Variants in TMEM94 observed in about 807,000 individuals in gnomAD.
TMEM94 encodes transmembrane protein 94, also known as ER Mg2+ ATPase.
A neutral mutation model predicts 158.6 loss-of-function variants in TMEM94; 81 were observed. The observed-to-expected ratio is 0.51, with a 90% CI of 0.43 to 0.61. TMEM94 has a LOEUF of 0.61. TMEM94 is among the 20% of genes least tolerant of loss of function. TMEM94 has a pLI of 0.00. For missense variants in TMEM94, 1,435 were observed against 1,762.0 expected (o/e 0.81, Z 3.32); for synonymous variants, 751 against 730.7 (o/e 1.03, Z -0.45).
rs1317424872 is a variant in TMEM94, at chr17:75,490,366, G to A, written c.1071+16G>A. 3.7e-6 allele frequency: 6 copies of A among 1,609,142 alleles called. No individual in the cohort carries two copies. The highest frequency in any genetic ancestry group is 5.1e-6 in the Non-Finnish European group (6 of 1,178,274). On this transcript the variant is annotated intron_variant, in intron 10 of 31. Coordinates refer to ENST00000314256, the MANE Select transcript of TMEM94 (RefSeq NM_014738.6). Reference sequence around the variant, plus strand: ...CAGCTCCCTGGTAGGTTTTTCCAAGGTGTCTGGGGGAAGTCACAGGAACAA... The same window carrying A: ...CAGCTCCCTGGTAGGTTTTTCCAAGATGTCTGGGGGAAGTCACAGGAACAA...
chr17:75,497,127 G>T lies in TMEM94; in HGVS notation c.3336G>T (p.Leu1112=). The part of the protein sequence containing the change: ...TLVVIQFLSC[L]VQLPPLLSTT... ...TCCTGGTCTAGTTCCTTTCTTGCCT[G>T]GTCCAGCTGCCGCCACTCCTGAGTA... The change falls in exon 26 of 32, where the codon CTG becomes CTT. Residue 1112 remains leucine (L), a synonymous_variant. Coordinates refer to ENST00000314256, the MANE Select transcript of TMEM94 (RefSeq NM_014738.6). 1 of 1,613,986 alleles carries T rather than the reference G, an allele frequency of 6.2e-7. No individual in the cohort carries two copies. The highest frequency in any genetic ancestry group is 1.1e-5 in the South Asian group (1 of 91,076).
At chr17:75,474,135 A>C (rs1298591314) in intron 2 of TMEM94, among the ~76,000 whole-genome samples, 3 of 152,132 alleles carry the variant, frequency 2.0e-5, no homozygotes, top group Non-Finnish European at 4.4e-5. Context: ...CAAAATGGAT[A>C]GTACAAGCAG....
intron 1 of TMEM94, among the ~76,000 whole-genome samples, chr17:75,463,911 T>G (rs944176215): frequency 6.6e-6 from 1 of 152,216 alleles, no homozygotes; most frequent in Non-Finnish European, 1.5e-5. Context: ...CCCTCCAGCT[T>G]AACACAGATC....
Position 75,491,949 on chromosome 17 carries a change from G to A in TMEM94, c.1596+49G>A, listed in dbSNP as rs576828317. 9 of 1,549,058 alleles carry A rather than the reference G, an allele frequency of 5.8e-6. No individual in the cohort carries two copies. The highest frequency in any genetic ancestry group is 5.5e-5 in the African/African-American group (4 of 73,138). On this transcript the variant is annotated intron_variant, in intron 14 of 31. Transcript: ENST00000314256. This position sits in a 1 kb window ranked among gnomAD's most constrained non-coding sequence, Gnocchi z 5.1. ...GCAGCCACACCCTCGGCCACAGGCT[G>A]TCCTGGCCTCCCTGGCCAGCCTGGC...
chr17:75,475,515 T>C (rs960524381), intron 2 of TMEM94, among the ~76,000 whole-genome samples: 1 of 152,186 alleles, frequency 6.6e-6, no homozygotes, highest in Admixed American at 6.5e-5. Flanking sequence ...CAGAGAAGTG[T>C]CCCATCCACT....
Position 75,485,435 on chromosome 17 carries a change from C to T in TMEM94, c.32C>T (p.Pro11Leu), listed in dbSNP as rs956972437. ...CCTCCTGCTTGCCTGCAGGGCGAGC[C>T]TCCCTCAGCCCTGGGCCTGTCCACG... MDLKEKHLGEPPSALGLSTRK... is the reference protein window; with the variant it reads MDLKEKHLGELPSALGLSTRK... Residue 11 changes from proline to leucine, a missense_variant, in exon 3 of 32, where the codon CCT becomes CTT. Pro to Leu is a moderately conservative substitution (Grantham distance 98, BLOSUM62 -3). This residue lies in a region of TMEM94 where 1,051 missense variants were observed against 1,254.4 expected (regional missense o/e 0.84). Transcript: ENST00000314256. The surrounding 1 kb of genome is among the most constrained non-coding windows in gnomAD (Gnocchi z 5.5). 4 of 1,611,476 alleles carry T rather than the reference C, an allele frequency of 2.5e-6. No individual in the cohort carries two copies. The highest frequency in any genetic ancestry group is 2.7e-5 in the African/African-American group (2 of 74,884).
chr17:75,470,704 C>CAA (rs1210801967), intron 1 of TMEM94, among the ~76,000 whole-genome samples: 4 of 117,490 alleles, frequency 3.4e-5, no homozygotes, highest in African/African-American at 9.5e-5. Flanking sequence ...GACTCTGTCT[C>CAA]AAAAAAAAAA....
chr17:75,476,820 A>G, intron 2 of TMEM94: 5 of 1,529,548 alleles, frequency 3.3e-6, no homozygotes, highest in Non-Finnish European at 4.4e-6. Context: ...TCTTCGGGTT[A>G]GCGGTTGCTG....
chr17:75,487,902 G>A lies in TMEM94; in HGVS notation c.410-30G>A. On this transcript the variant is annotated intron_variant, in intron 5 of 31. Transcript: ENST00000314256. This position sits in a 1 kb window ranked among gnomAD's most constrained non-coding sequence, Gnocchi z 4.6. ...CTGGGGGGCAGGGCCGTGGCTGAGA[G>A]GGTTGTTTCCCTCTTTCCATTCCCC... The A allele has an allele frequency of 6.3e-7, 1 of 1,591,964 alleles. No homozygotes were observed. Among genetic ancestry groups the A allele is most frequent in the Non-Finnish European group, 8.6e-7 (1 of 1,161,126 alleles).
At chr17:75,478,482 G>T (rs372173061) in intron 2 of TMEM94, among the ~76,000 whole-genome samples, 26 of 152,106 alleles carry the variant, frequency 1.7e-4, no homozygotes, top group Non-Finnish European at 3.7e-4. Flanking sequence ...TCTCGAAGGC[G>T]CCTTAGCCTA....
At chr17:75,494,409 G>A (rs1420358057) in intron 18 of TMEM94, among the ~76,000 whole-genome samples, 1 of 152,232 alleles carries the variant, frequency 6.6e-6, no homozygotes, top group African/African-American at 2.4e-5. Flanking sequence ...CTGAAGCCAC[G>A]CCTTGTTGTA....
intron 1 of TMEM94, among the ~76,000 whole-genome samples, chr17:75,465,305 C>T (rs1214120147): frequency 6.6e-6 from 1 of 152,020 alleles, no homozygotes; most frequent in Admixed American, 6.6e-5. Context: ...AGCCACCATG[C>T]CTGGCCTTCT....
chr17:75,497,246 GTC>G, intron 26 of TMEM94, 48 bp downstream of exon 26: 1 of 1,500,812 alleles, frequency 6.7e-7, no homozygotes, highest in Non-Finnish European at 9.3e-7. Flanking sequence ...AGCAGGAGGT[GTC>G]TGGATGTCAC....
At chr17:75,474,185 C>G (rs1030276872) in intron 2 of TMEM94, among the ~76,000 whole-genome samples, 3 of 151,998 alleles carry the variant, frequency 2.0e-5, no homozygotes, top group African/African-American at 7.3e-5. Context: ...GCTGAGGTAA[C>G]TCATGAGTTG....
In TMEM94 at chr17:75,498,528, C is replaced by G. The variant is rs772320826; in HGVS notation, c.3723C>G (p.Val1241=). The part of the protein sequence containing the change: ...SAQKLTAALI[V]LHTVFISITH... The stretch of plus-strand genomic sequence containing the variant: ...AGAAGCTCACGGCCGCCCTGATTGT[C>G]CTGCACACTGGTGAGAGGGCTCCCT... Residue 1241 remains valine (V), a synonymous_variant, in exon 29 of 32, where the codon GTC becomes GTG. Coordinates refer to ENST00000314256, the MANE Select transcript of TMEM94 (RefSeq NM_014738.6). This position sits in a 1 kb window ranked among gnomAD's most constrained non-coding sequence, Gnocchi z 6.7. 6.2e-7 allele frequency: 1 copy of G among 1,609,184 alleles called. No homozygotes were observed. The highest frequency in any genetic ancestry group is 2.2e-5 in the East Asian group (1 of 44,866).
At chr17:75,496,951 T>C (rs2052754955) in intron 25 of TMEM94, 144 bp downstream of exon 25, 1 of 1,058,852 alleles carries the variant, frequency 9.4e-7, no homozygotes, top group Non-Finnish European at 1.4e-6. Context: ...CTGGGCTTTT[T>C]GAGCTGACCC....
rs1019151927 is a variant in TMEM94, at chr17:75,482,393, A to T, written c.25-3035A>T. 3.0e-4 allele frequency among the ~76,000 whole-genome samples: 46 copies of T among 151,936 alleles called. 1 individual carries two copies. Among genetic ancestry groups the T allele is most frequent in the Non-Finnish European group, 1.0e-4 (7 of 67,996 alleles). ...AAGAAAATTAGCTGAGTGTAGTCCC[A>T]GCCACTCCATAGGCTGAGGCAGGAA... On this transcript the variant is annotated intron_variant, in intron 2 of 31. Coordinates refer to ENST00000314256, the MANE Select transcript of TMEM94 (RefSeq NM_014738.6).
chr17:75,499,251 T>C lies in TMEM94; in HGVS notation c.3999-11T>C. The C allele has an allele frequency of 1.2e-6, 2 of 1,613,518 alleles. No individual in the cohort carries two copies. Among genetic ancestry groups the C allele is most frequent in the South Asian group, 2.2e-5 (2 of 91,080 alleles). On this transcript the variant is annotated splice_polypyrimidine_tract_variant and intron_variant, in intron 31 of 31. Transcript: ENST00000314256. ...TTTGCCAACCTGTACTTTAATCTCC[T>C]GCCCCACCAGGGTCCGAGTCCGCTA...
rs970748539 is a variant in TMEM94, at chr17:75,485,160, T to C, written c.25-268T>C. On this transcript the variant is annotated intron_variant, in intron 2 of 31. Coordinates refer to ENST00000314256, the MANE Select transcript of TMEM94 (RefSeq NM_014738.6). The surrounding 1 kb of genome is among the most constrained non-coding windows in gnomAD (Gnocchi z 5.5). ...CGCCAGGGGCAGTGGGGAAAGTGAG[T>C]TGGGGAACATGGAATAAAAGAAAAA... 1.3e-5 allele frequency among the ~76,000 whole-genome samples: 2 copies of C among 151,612 alleles called. No homozygotes were observed. The highest frequency in any genetic ancestry group is 4.8e-5 in the African/African-American group (2 of 41,258).
Sources: allele counts gnomAD v4.1 joint callset (sites outside exome capture counted in the v4.1 genomes callset), GRCh38; gene constraint gnomAD v4.1.1; regional missense constraint gnomAD v4.1.1; non-coding constraint Gnocchi (gnomAD v3.1); transcripts MANE v1.5; gene names NCBI Gene and HGNC (gene_info 2026-07-23, HGNC 2026-07-21).